NKAIN3: variants seen among roughly 807,000 people sequenced by gnomAD.
NKAIN3 encodes sodium/potassium transporting ATPase interacting 3.
Under a neutral mutation model 30.2 loss-of-function variants are expected in NKAIN3, and 25 were observed. The ratio of observed to expected loss-of-function variants is 0.83; its 90% CI spans 0.60 to 1.16. NKAIN3 has a LOEUF of 1.16. Among genes scored for constraint, NKAIN3 ranks in the 50% most tolerant of loss-of-function variants. The pLI is 0.00. For synonymous variants in NKAIN3, 91 were observed against 89.6 expected, an observed-to-expected ratio of 1.02 and a Z score of -0.09; for missense variants, 225 against 254.1, an observed-to-expected ratio of 0.89 and a Z score of 0.78.
chr8:62,392,157 A>G (rs993986454), intron 1 of NKAIN3, among the ~76,000 whole-genome samples: 3 of 152,082 alleles, frequency 2.0e-5, no homozygotes, highest in African/African-American at 4.8e-5. Context: ...AAAAAAATGT[A>G]TAGGAAAACT....
intron 1 of NKAIN3, among the ~76,000 whole-genome samples, chr8:62,522,621 C>G (rs187952080): frequency 2.0e-4 from 30 of 152,180 alleles, no homozygotes; most frequent in Non-Finnish European, 4.4e-4. Context: ...GACAGTGACA[C>G]TGATGATCCT....
rs1823857815 is a variant in NKAIN3 at position 62,972,587 on chromosome 8, A to G, written c.*7180A>G. On this transcript the variant is annotated 3_prime_UTR_variant, in exon 7 of 7. Transcript: ENST00000623646. ...CAGTTGACATTTGTGAAGGCAGATT[A>G]TACACATGAGACAGTGGTGAATAAA... Among the ~76,000 whole-genome samples the G allele has an allele frequency of 6.6e-6, 1 of 152,168 alleles. No individual in the cohort carries two copies. The highest frequency in any genetic ancestry group is 1.5e-5 in the Non-Finnish European group (1 of 68,038).
intron 1 of NKAIN3, among the ~76,000 whole-genome samples, chr8:62,456,762 G>A (rs565072189): frequency 9.8e-5 from 15 of 152,322 alleles, no homozygotes; most frequent in Admixed American, 5.9e-4. Flanking sequence ...CGCACTCTGC[G>A]ATGTGATTTT....
intron 2 of NKAIN3, among the ~76,000 whole-genome samples, chr8:62,587,758 G>A (rs186179638): frequency 6.6e-6 from 1 of 152,048 alleles, no homozygotes; most frequent in East Asian, 1.9e-4. Flanking sequence ...AAAGCACCAG[G>A]ATAATAACCC....
chr8:62,605,540 C>G (rs902926973), intron 3 of NKAIN3, among the ~76,000 whole-genome samples: 2 of 151,866 alleles, frequency 1.3e-5, no homozygotes, highest in African/African-American at 4.8e-5. Flanking sequence ...AGTCTGCCCT[C>G]TGAATCTACA....
intron 3 of NKAIN3, among the ~76,000 whole-genome samples, chr8:62,619,074 G>A (rs1041862226): frequency 7.9e-5 from 12 of 152,224 alleles, no homozygotes; most frequent in South Asian, 2.1e-4. Context: ...TGGAGAAATC[G>A]GATCCTAATG....
At chr8:62,927,263 A>G (rs1822479810) in intron 5 of NKAIN3, among the ~76,000 whole-genome samples, 1 of 152,144 alleles carries the variant, frequency 6.6e-6, no homozygotes, top group South Asian at 2.1e-4. Flanking sequence ...CTAATTGTCA[A>G]GTTCTCTTGG....
intron 1 of NKAIN3, among the ~76,000 whole-genome samples, chr8:62,524,987 C>A (rs1486025039): frequency 6.6e-6 from 1 of 151,556 alleles, no homozygotes; most frequent in Non-Finnish European, 1.5e-5. Context: ...ACAAAACCAT[C>A]TATTGTTCTG....
intron 4 of NKAIN3, among the ~76,000 whole-genome samples, chr8:62,814,799 C>T (rs1267194166): frequency 6.6e-6 from 1 of 151,888 alleles, no homozygotes; most frequent in African/African-American, 2.4e-5. Flanking sequence ...AAAATTGACA[C>T]CCTAACATCA....
chr8:62,770,340 T>G (rs1417390129), intron 4 of NKAIN3, among the ~76,000 whole-genome samples: 2 of 152,206 alleles, frequency 1.3e-5, no homozygotes, highest in South Asian at 2.1e-4. Flanking sequence ...TGGCTTTAGG[T>G]GTGTCTTAGT....
At chr8:62,430,254 A>T (rs1804950255) in intron 1 of NKAIN3, among the ~76,000 whole-genome samples, 1 of 151,702 alleles carries the variant, frequency 6.6e-6, no homozygotes, top group African/African-American at 2.4e-5. Context: ...TCATCTATTG[A>T]TGGACACTTG....
At chr8:62,631,739 A>G (rs1244997091) in intron 3 of NKAIN3, among the ~76,000 whole-genome samples, 2 of 152,150 alleles carry the variant, frequency 1.3e-5, no homozygotes, top group African/African-American at 4.8e-5. Context: ...TCTTGTCTTC[A>G]AAACTCAATT....
chr8:62,798,399 A>G (rs371109855), intron 4 of NKAIN3, among the ~76,000 whole-genome samples: 2 of 152,004 alleles, frequency 1.3e-5, no homozygotes, highest in South Asian at 4.1e-4. Context: ...GTGAAACCCC[A>G]TCTCTACTGA....
rs151013704 is a variant in NKAIN3 at position 62,463,474 on chromosome 8, C to A, written c.55-116065C>A. On this transcript the variant is annotated intron_variant, in intron 1 of 6. Transcript: ENST00000623646. ...CAGGCATATTCTAAAATGTTGAATG[C>A]AAATTTGTTATCAAAACTCATGCCC... Among the ~76,000 whole-genome samples the A allele has an allele frequency of 5.6e-3, 859 of 152,278 alleles. 7 individuals carry two copies. Among genetic ancestry groups the A allele is most frequent in the African/African-American group, 0.018 (766 of 41,554 alleles).
At chr8:62,863,881 C>G in intron 4 of NKAIN3, 1 of 1,456,114 alleles carries the variant, frequency 6.9e-7, no homozygotes, top group Non-Finnish European at 9.6e-7. Context: ...CCGCAGGGTC[C>G]TCTTGCTCAT....
intron 4 of NKAIN3, among the ~76,000 whole-genome samples, chr8:62,805,429 G>C (rs1256452518): frequency 1.3e-5 from 2 of 151,988 alleles, no homozygotes; most frequent in South Asian, 2.1e-4. Flanking sequence ...AACCAAAACA[G>C]CATGGTACTG....
chr8:62,919,223 CAA>C (rs536619726), intron 5 of NKAIN3, among the ~76,000 whole-genome samples: 5 of 89,300 alleles, frequency 5.6e-5, no homozygotes, highest in South Asian at 8.4e-4. Context: ...TATTTACTTT[CAA>C]AATTTTTTTT....
intron 1 of NKAIN3, among the ~76,000 whole-genome samples, chr8:62,296,353 GTGTAGACTCTC>G (rs1314491643): frequency 6.6e-6 from 1 of 152,160 alleles, no homozygotes; most frequent in South Asian, 2.1e-4. Context: ...GAATGTGTTA[GTGTAGACTCTC>G]TGTAATCATT....
At chr8:62,323,354 C>A (rs549620974) in intron 1 of NKAIN3, among the ~76,000 whole-genome samples, 1 of 152,088 alleles carries the variant, frequency 6.6e-6, no homozygotes, top group Non-Finnish European at 1.5e-5. Context: ...GGATTATGCA[C>A]GCCATAGTTA....
Sources: gnomAD v4.1 joint callset for allele counts (sites outside exome capture counted in the v4.1 genomes callset) on GRCh38, gnomAD v4.1.1 for gene constraint, MANE v1.5 for transcripts, NCBI Gene and HGNC (gene_info 2026-07-23, HGNC 2026-07-21) for gene names.